The following DOK6 variants were observed in gnomAD, a reference collection of about 807,000 sequenced individuals.
DOK6 encodes the protein downstream of tyrosine kinase 6.
Under a neutral mutation model 44.0 loss-of-function variants are expected in DOK6, and 22 were observed. The ratio of observed to expected loss-of-function variants is 0.50; its 90% CI spans 0.36 to 0.71. DOK6 has a LOEUF of 0.71. Ranked by LOEUF, DOK6 falls within the 30% of genes least tolerant of loss-of-function variation. The pLI is 0.00. For synonymous variants in DOK6, 166 were observed against 145.5 expected (o/e 1.14, Z -1.01); for missense variants, 340 against 416.4 (o/e 0.82, Z 1.60).
At chr18:69,796,892 A>G (rs1330797209) in intron 7 of DOK6, among the ~76,000 whole-genome samples, 1 of 152,206 alleles carries the variant, frequency 6.6e-6, no homozygotes, top group African/African-American at 2.4e-5. Context: ...AAAAGAGGGT[A>G]AAGTTTAGAT....
In DOK6 at chr18:69,415,363, A is replaced by G. The variant is rs998932805; in HGVS notation, c.66+14053A>G. 3.5e-5 allele frequency among the ~76,000 whole-genome samples: 5 copies of G among 143,190 alleles called. No homozygotes were observed. In the South Asian group the frequency reaches 1.1e-3, roughly 32 times the overall value. The allele number at this position is 143,190 out of a possible 152,430, so 93.9% of individuals were successfully genotyped here. A position where few individuals can be genotyped will look rare whatever the true frequency, so the allele number is the denominator to read the frequency against. On this transcript the variant is annotated intron_variant, in intron 1 of 7. Coordinates refer to ENST00000382713, the MANE Select transcript of DOK6 (RefSeq NM_152721.6). Reference sequence around the variant, plus strand: ...TCAAATCATTTTTTTGTAAGTCTTAATTCTCTCATGAAACTCAGGTTGAGA... The same window carrying G: ...TCAAATCATTTTTTTGTAAGTCTTAGTTCTCTCATGAAACTCAGGTTGAGA...
chr18:69,773,829 T>A (rs1295592698), intron 7 of DOK6, among the ~76,000 whole-genome samples: 1 of 151,462 alleles, frequency 6.6e-6, no homozygotes, highest in Non-Finnish European at 1.5e-5. Context: ...TGTAAACTAA[T>A]ACAACCACTA....
rs986940059 is a variant in DOK6, at chr18:69,679,707, T to C, written c.409+1854T>C. On this transcript the variant is annotated intron_variant, in intron 4 of 7. Transcript: ENST00000382713. ...GTAAATAGAAATACTGTGCCTCTTG[T>C]AGCATGGACTGTATGCTTTTTACTT... Among the ~76,000 whole-genome samples, 4 of 152,252 alleles carry C rather than the reference T, an allele frequency of 2.6e-5. No homozygotes were observed. In the South Asian group the frequency reaches 8.3e-4, roughly 31 times the overall value.
chr18:69,409,454 C>T (rs1261439089), intron 1 of DOK6, among the ~76,000 whole-genome samples: 1 of 152,142 alleles, frequency 6.6e-6, no homozygotes, highest in Non-Finnish European at 1.5e-5. Context: ...CACATATATA[C>T]ATATATAATG....
At chr18:69,622,640 T>G (rs1984468390) in intron 3 of DOK6, among the ~76,000 whole-genome samples, 1 of 152,206 alleles carries the variant, frequency 6.6e-6, no homozygotes, top group Admixed American at 6.5e-5. Context: ...AAATTAGATT[T>G]AATGCAGGTC....
At chr18:69,455,156 C>CAAAAAAAAAAAAAAAAAAA (rs58451274) in intron 1 of DOK6, among the ~76,000 whole-genome samples, 62 of 117,352 alleles carry the variant, frequency 5.3e-4, no homozygotes, top group Non-Finnish European at 7.8e-4. Flanking sequence ...ATAGCTATAG[C>CAAAAAAAAAAAAAAAAAAA]AAAAAAAAAA....
At chr18:69,831,457 C>G (rs754601714) in intron 7 of DOK6, among the ~76,000 whole-genome samples, 7 of 152,178 alleles carry the variant, frequency 4.6e-5, no homozygotes, top group Non-Finnish European at 1.0e-4. Context: ...AAAGCCATCA[C>G]AATATGCAAT....
intron 1 of DOK6, chr18:69,469,648 G>A: frequency 4.4e-6 from 1 of 225,466 alleles, no homozygotes; most frequent in Non-Finnish European, 9.3e-6. Flanking sequence ...CCTGCCGGCT[G>A]CCTCACCAGA....
At chr18:69,556,639 A>C (rs1469510929) in intron 1 of DOK6, among the ~76,000 whole-genome samples, 1 of 152,106 alleles carries the variant, frequency 6.6e-6, no homozygotes, top group Non-Finnish European at 1.5e-5. Flanking sequence ...CTTTTTTATT[A>C]CTCTATCCAG....
intron 5 of DOK6, among the ~76,000 whole-genome samples, chr18:69,700,518 T>C (rs1406289756): frequency 1.3e-5 from 2 of 152,182 alleles, no homozygotes; most frequent in Non-Finnish European, 2.9e-5. Context: ...GATCTTTCTA[T>C]TTCATAGAGG....
intron 1 of DOK6, among the ~76,000 whole-genome samples, chr18:69,411,957 C>T (rs1375121296): frequency 6.6e-6 from 1 of 152,138 alleles, no homozygotes; most frequent in African/African-American, 2.4e-5. Flanking sequence ...TTCTATTCAA[C>T]TGCAAATAAC....
At chr18:69,669,853 A>T (rs1985753554) in intron 3 of DOK6, among the ~76,000 whole-genome samples, 1 of 152,186 alleles carries the variant, frequency 6.6e-6, no homozygotes. Context: ...GCTTTCATAC[A>T]TCACATCCCA....
intron 2 of DOK6, among the ~76,000 whole-genome samples, chr18:69,598,935 C>T (rs978174780): frequency 6.6e-6 from 1 of 152,012 alleles, no homozygotes; most frequent in Non-Finnish European, 1.5e-5. Flanking sequence ...ACTTGCTTTC[C>T]AGTCACTTTT....
chr18:69,821,152 A>G (rs144210678), intron 7 of DOK6, among the ~76,000 whole-genome samples: 299 of 152,288 alleles, frequency 2.0e-3, no homozygotes, highest in African/African-American at 6.9e-3. Context: ...TTGTATATAT[A>G]TTGGTTAAAA....
chr18:69,702,628 G>A (rs1986547651), intron 5 of DOK6, among the ~76,000 whole-genome samples: 2 of 152,172 alleles, frequency 1.3e-5, no homozygotes, highest in South Asian at 4.1e-4. Context: ...GTTGAATGAA[G>A]GAATTAATCA....
intron 1 of DOK6, among the ~76,000 whole-genome samples, chr18:69,534,933 T>C (rs1222334710): frequency 6.6e-6 from 1 of 152,114 alleles, no homozygotes; most frequent in Non-Finnish European, 1.5e-5. Context: ...GCTTTCTGGC[T>C]GTGATATTGT....
intron 1 of DOK6, among the ~76,000 whole-genome samples, chr18:69,441,599 C>T (rs1979138522): frequency 6.6e-6 from 1 of 152,170 alleles, no homozygotes; most frequent in Non-Finnish European, 1.5e-5. Flanking sequence ...CTTACATTTA[C>T]AAGGTATTTC....
At chr18:69,419,043 C>T (rs1568251400) in intron 1 of DOK6, among the ~76,000 whole-genome samples, 2 of 151,888 alleles carry the variant, frequency 1.3e-5, no homozygotes, top group Non-Finnish European at 2.9e-5. Flanking sequence ...CTACATTTGC[C>T]CATAGAATAC....
intron 1 of DOK6, among the ~76,000 whole-genome samples, chr18:69,405,099 T>C (rs1015311146): frequency 5.3e-5 from 8 of 152,154 alleles, no homozygotes; most frequent in African/African-American, 1.9e-4. Context: ...ATTTTGCTTT[T>C]TCATATTTTT....
Sources: allele counts gnomAD v4.1 joint callset (sites outside exome capture counted in the v4.1 genomes callset), GRCh38; gene constraint gnomAD v4.1.1; transcripts MANE v1.5; gene names NCBI Gene and HGNC (gene_info 2026-07-23, HGNC 2026-07-21).